QTRT1: variants seen among roughly 807,000 people sequenced by gnomAD.
QTRT1 encodes TGT, 43-KD subunit.
In QTRT1, 41 loss-of-function variants were observed where a neutral mutation model predicts 44.0. The observed-to-expected ratio is 0.93, with a 90% CI of 0.73 to 1.21. QTRT1 has a LOEUF of 1.21. Ranked by LOEUF, QTRT1 falls within the 50% of genes most tolerant of loss-of-function variation. The pLI is 0.00. For synonymous variants in QTRT1, 226 were observed against 237.1 expected, an observed-to-expected ratio of 0.95 and a Z score of 0.43; for missense variants, 542 against 575.8, an observed-to-expected ratio of 0.94 and a Z score of 0.60.
chr19:10,703,973 G>C (rs1292197324), intron 3 of QTRT1, among the ~76,000 whole-genome samples: 4 of 151,816 alleles, frequency 2.6e-5, no homozygotes, highest in African/African-American at 9.7e-5. Context: ...AGCCTCCCAA[G>C]TAGCTGGGAT....
Position 10,701,655 on chromosome 19 carries a change from G to A in QTRT1, c.195G>A (p.Leu65=), listed in dbSNP as rs1183870213. Residue 65 remains leucine (L), a synonymous_variant, in exon 1 of 10, where the codon CTG becomes CTA. Coordinates refer to ENST00000250237, the MANE Select transcript of QTRT1 (RefSeq NM_031209.3). ...TCACGACCGAACAGCTGGACGCTCT[G>A]GGTTGCCGCATCTGCCTGGGCAATA... ...KGITTEQLDA[L]GCRICLGNTY... The A allele has an allele frequency of 1.3e-6, 2 of 1,594,568 alleles. No homozygotes were observed. The highest frequency in any genetic ancestry group is 8.5e-7 in the Non-Finnish European group (1 of 1,171,892).
In QTRT1 at chr19:10,701,548, G is replaced by T. The variant is rs779127132; in HGVS notation, c.88G>T (p.Ala30Ser). The change falls in exon 1 of 10, where the codon GCA (alanine) becomes TCA (serine). Residue 30 changes from alanine (A) to serine (S), a missense_variant. By Grantham distance (99) the Ala-to-Ser change is moderately conservative. Coordinates refer to ENST00000250237, the MANE Select transcript of QTRT1 (RefSeq NM_031209.3). ...CGAATGCAGCCGCTCCAGGGCCCGG[G>T]CAGGCGAGCTGTGGCTGCCGCATGG... ...VAECSRSRAR[A>S]GELWLPHGTV... The T allele has an allele frequency of 2.1e-5, 33 of 1,603,658 alleles. No homozygotes were observed. The East Asian group carries it at 6.9e-4, about 34-fold the overall frequency.
intron 5 of QTRT1, among the ~76,000 whole-genome samples, chr19:10,707,953 T>TA (rs2068722284): frequency 6.6e-6 from 1 of 150,718 alleles, no homozygotes; most frequent in Non-Finnish European, 1.5e-5. Flanking sequence ...TATTTTACTT[T>TA]TTTTTTTTTT....
intron 5 of QTRT1, among the ~76,000 whole-genome samples, chr19:10,710,420 G>T (rs1019037911): frequency 6.6e-6 from 1 of 151,888 alleles, no homozygotes; most frequent in Non-Finnish European, 1.5e-5. Context: ...GGTTTCAAGC[G>T]ATTCTCCTGC....
rs138077932 is a variant in QTRT1 at position 10,713,132 on chromosome 19, C to T, written c.1074C>T (p.Ser358=). 4.4e-6 allele frequency: 7 copies of T among 1,608,938 alleles called. No homozygotes were observed. The highest frequency in any genetic ancestry group is 1.7e-5 in the Admixed American group (1 of 59,930). ...HNIAYQLQLM[S]AVRTSIVEKR... is the part of the protein sequence containing the mutation. The stretch of plus-strand genomic sequence containing the variant: ...CCTCCCCGCAGCTGCAGCTCATGAG[C>T]GCCGTCCGCACCAGCATCGTGGAGA... Residue 358 remains serine, a synonymous_variant, in exon 10 of 10, where the codon AGC becomes AGT. Coordinates refer to ENST00000250237, the MANE Select transcript of QTRT1 (RefSeq NM_031209.3). This position sits in a 1 kb window ranked among gnomAD's most constrained non-coding sequence, Gnocchi z 4.3.
At chr19:10,709,453 C>T (rs2068728990) in intron 5 of QTRT1, 1 of 152,214 alleles carries the variant, frequency 6.6e-6, no homozygotes, top group African/African-American at 2.4e-5. Flanking sequence ...CTGGCTCACG[C>T]CTGTAATCCC....
rs573140854 is a variant in QTRT1 at position 10,703,151 on chromosome 19, C to T, written c.451+897C>T. 6.7e-5 allele frequency among the ~76,000 whole-genome samples: 10 copies of T among 149,542 alleles called. No individual in the cohort carries two copies. The East Asian group carries it at 7.9e-4, about 12-fold the overall frequency. On this transcript the variant is annotated intron_variant, in intron 3 of 9. Coordinates refer to ENST00000250237, the MANE Select transcript of QTRT1 (RefSeq NM_031209.3). The stretch of plus-strand genomic sequence containing the variant: ...GATATCCAGTCACTGCAACCTCCAC[C>T]TCCTGGGTTCAAGTGATTCTCCTGC...
At chr19:10,705,840 C>CTTT (rs71164114) in intron 3 of QTRT1, among the ~76,000 whole-genome samples, 645 of 37,712 alleles carry the variant, frequency 0.017, 118 homozygotes, top group East Asian at 0.11. Context: ...CTGGCCTGTT[C>CTTT]TTTTTTTTTT....
intron 5 of QTRT1, among the ~76,000 whole-genome samples, chr19:10,710,265 C>T (rs1172919675): frequency 2.0e-5 from 3 of 152,050 alleles, no homozygotes; most frequent in African/African-American, 4.8e-5. Flanking sequence ...TAACTTAGAT[C>T]TCTCATTTTT....
chr19:10,710,419 C>CGA (rs1342217963), intron 5 of QTRT1, among the ~76,000 whole-genome samples: 4 of 151,910 alleles, frequency 2.6e-5, no homozygotes, highest in African/African-American at 9.7e-5. Flanking sequence ...TGGTTTCAAG[C>CGA]GATTCTCCTG....
chr19:10,705,312 T>C (rs2068708406), intron 3 of QTRT1, among the ~76,000 whole-genome samples: 1 of 151,856 alleles, frequency 6.6e-6, no homozygotes, highest in Non-Finnish European at 1.5e-5. Flanking sequence ...TGTGTTGGCT[T>C]ACTGCAACCT....
chr19:10,704,951 T>C (rs2068706546), intron 3 of QTRT1, among the ~76,000 whole-genome samples: 1 of 150,870 alleles, frequency 6.6e-6, no homozygotes, highest in African/African-American at 2.4e-5. Context: ...AATCTCGCTC[T>C]GTCACCTAGG....
At position 10,712,938 on chromosome 19, in the gene QTRT1, C is replaced by T. The variant is rs1344382455; in HGVS notation, c.972-15C>T. ...AGGGCCTGGCCGTGCTGAGCTGTCC[C>T]CTGCCGCTCTACAGGCACAGCCGCG... is the stretch of plus-strand genomic sequence containing the variant. On this transcript the variant is annotated splice_polypyrimidine_tract_variant and intron_variant, in intron 8 of 9. Coordinates refer to ENST00000250237, the MANE Select transcript of QTRT1 (RefSeq NM_031209.3). The surrounding 1 kb of genome is among the most constrained non-coding windows in gnomAD (Gnocchi z 5.6). 6.2e-7 allele frequency: 1 copy of T among 1,613,186 alleles called. No homozygotes were observed. Among genetic ancestry groups the T allele is most frequent in the Non-Finnish European group, 8.5e-7 (1 of 1,179,892 alleles).
At position 10,712,487 on chromosome 19, in the gene QTRT1, G is replaced by T. The variant is rs1599397003; in HGVS notation, c.786-66G>T. 5.3e-6 allele frequency: 8 copies of T among 1,512,966 alleles called. No individual in the cohort carries two copies. The East Asian group carries it at 1.1e-4, about 21-fold the overall frequency. 93.7% of individuals were successfully genotyped at this position (1,512,966 alleles called of 1,614,324 possible). A position where few individuals can be genotyped will look rare whatever the true frequency, so the allele number is the denominator to read the frequency against. On this transcript the variant is annotated intron_variant, in intron 6 of 9. Transcript: ENST00000250237. The surrounding 1 kb of genome is among the most constrained non-coding windows in gnomAD (Gnocchi z 5.6). Reference sequence around the variant, plus strand: ...ATGGCCCAGTCTGGGGCAGTGTGAGGGTTGGGAGGGGCCCTGGGAAGCCCC... The same window carrying T: ...ATGGCCCAGTCTGGGGCAGTGTGAGTGTTGGGAGGGGCCCTGGGAAGCCCC...
In QTRT1 at chr19:10,712,407, G is replaced by C; in HGVS notation, c.785+108G>C. The C allele has an allele frequency of 6.8e-7, 1 of 1,479,434 alleles. No individual in the cohort carries two copies. The highest frequency in any genetic ancestry group is 9.3e-7 in the Non-Finnish European group (1 of 1,076,100). 91.6% of individuals were successfully genotyped at this position (1,479,434 alleles called of 1,614,324 possible). The stretch of plus-strand genomic sequence containing the variant: ...ATTTGGGGGAAACGGACACAGGTCT[G>C]ATCTGAGGAGACTAGGAAGACATGG... On this transcript the variant is annotated intron_variant, in intron 6 of 9. Coordinates refer to ENST00000250237, the MANE Select transcript of QTRT1 (RefSeq NM_031209.3). This position sits in a 1 kb window ranked among gnomAD's most constrained non-coding sequence, Gnocchi z 5.6.
chr19:10,707,213 G>A (rs891328797), intron 3 of QTRT1, 89 bp from the exon 4 acceptor site: 2 of 1,317,238 alleles, frequency 1.5e-6, no homozygotes, highest in Admixed American at 3.4e-5. Flanking sequence ...GGATGCTCTT[G>A]GGGAAGTCCA....
chr19:10,711,823 C>G, intron 5 of QTRT1: 1 of 400,270 alleles, frequency 2.5e-6, no homozygotes, highest in Non-Finnish European at 4.6e-6. Context: ...ACTCTGAATT[C>G]TGAAACACAT....
chr19:10,707,740 C>G lies in QTRT1; in HGVS notation c.646+125C>G, dbSNP rs533323493. On this transcript the variant is annotated intron_variant, in intron 5 of 9. Transcript: ENST00000250237. ...ACTGCGCTAGAAAAAATAGCCGGAGCAAAGGCTCTCGGGCCACGTGCAGTA... is the reference window on the plus strand; with the variant it reads ...ACTGCGCTAGAAAAAATAGCCGGAGGAAAGGCTCTCGGGCCACGTGCAGTA... 2.7e-5 allele frequency: 17 copies of G among 624,538 alleles called. No homozygotes were observed. In the Admixed American group the frequency reaches 5.0e-4, roughly 19 times the overall value. The allele number at this position is 624,538 out of a possible 1,614,324, so 38.7% of individuals were successfully genotyped here. A position where few individuals can be genotyped will look rare whatever the true frequency, so the allele number is the denominator to read the frequency against.
intron 1 of QTRT1, 116 bp from the exon 2 acceptor site, chr19:10,701,834 G>A (rs1035396034): frequency 8.3e-6 from 13 of 1,574,998 alleles, no homozygotes; most frequent in African/African-American, 1.3e-5. Context: ...CAATGACCAG[G>A]CCTTGTACTG....
Sources: allele counts gnomAD v4.1 joint callset (sites outside exome capture counted in the v4.1 genomes callset), GRCh38; gene constraint gnomAD v4.1.1; non-coding constraint Gnocchi (gnomAD v3.1); transcripts MANE v1.5; gene names NCBI Gene and HGNC (gene_info 2026-07-23, HGNC 2026-07-21).